The following KIAA1549 variants were observed in gnomAD, a reference collection of about 807,000 sequenced individuals.
KIAA1549 encodes KIAA1549.
In KIAA1549, 70 loss-of-function variants were observed where a neutral mutation model predicts 156.4. That is an observed-to-expected ratio of 0.45 (90% CI 0.37 to 0.55). The LOEUF is 0.55. KIAA1549 is among the 20% of genes least tolerant of loss of function. The pLI, the probability that KIAA1549 is intolerant of heterozygous loss-of-function variation, is 0.00. For missense variants in KIAA1549, 2,428 were observed against 2,540.9 expected, an observed-to-expected ratio of 0.96 and a Z score of 0.96; for synonymous variants, 1,103 against 1,066.4, an observed-to-expected ratio of 1.03 and a Z score of -0.67.
intron 1 of KIAA1549, among the ~76,000 whole-genome samples, chr7:138,980,551 T>C (rs946377576): frequency 6.6e-6 from 1 of 152,228 alleles, no homozygotes; most frequent in African/African-American, 2.4e-5. Context: ...GCCAGGGCGC[T>C]TTCCAAGAGG....
intron 1 of KIAA1549, among the ~76,000 whole-genome samples, chr7:138,979,210 A>G (rs1417039852): frequency 6.6e-6 from 1 of 152,202 alleles, no homozygotes; most frequent in Non-Finnish European, 1.5e-5. Flanking sequence ...TATTAATTTC[A>G]TGTCTCCAGG....
At chr7:138,856,160 T>C (rs1207077613) in intron 16 of KIAA1549, among the ~76,000 whole-genome samples, 1 of 151,388 alleles carries the variant, frequency 6.6e-6, no homozygotes, top group Non-Finnish European at 1.5e-5. Flanking sequence ...GCCTCCCGAG[T>C]AGCTGGGACT....
In KIAA1549 at chr7:138,836,431, C is replaced by T; in HGVS notation, c.*1475G>A. On this transcript the variant is annotated 3_prime_UTR_variant, in exon 20 of 20. Transcript: ENST00000422774. ...AGTACAATCTAGGATGTTGGCACAGCAACAAAACAGCCTAATGACACATTT... is the reference window on the plus strand; with the variant it reads ...AGTACAATCTAGGATGTTGGCACAGTAACAAAACAGCCTAATGACACATTT... 1 of 214,286 alleles carries T rather than the reference C, an allele frequency of 4.7e-6. No homozygotes were observed. Among genetic ancestry groups the T allele is most frequent in the Non-Finnish European group, 9.4e-6 (1 of 106,086 alleles). 13.3% of individuals were successfully genotyped at this position (214,286 alleles called of 1,614,324 possible). A position where few individuals can be genotyped will look rare whatever the true frequency, so the allele number is the denominator to read the frequency against.
chr7:138,861,158 G>A lies in KIAA1549; in HGVS notation c.5228C>T (p.Thr1743Met), dbSNP rs201514543. Residue 1743 changes from threonine to methionine, a missense_variant, in exon 16 of 20, where the codon ACG becomes ATG. Thr to Met is a moderately conservative substitution (Grantham distance 81). Coordinates refer to ENST00000422774, the MANE Select transcript of KIAA1549 (RefSeq NM_001164665.2). ...QWGSFYSPAQ[T>M]ANNPCSRYED... ...ACTTACACTGCAGGGATTGTTGGCC[G>A]TCTGGGCTGGGCTGTAGAAGGACCC... 1.4e-3 allele frequency: 2,338 copies of A among 1,613,786 alleles called. 3 individuals carry two copies. Among genetic ancestry groups the A allele is most frequent in the Non-Finnish European group, 1.8e-3 (2,112 of 1,179,860 alleles).
intron 1 of KIAA1549, among the ~76,000 whole-genome samples, chr7:138,936,731 C>G (rs1220079899): frequency 7.0e-6 from 1 of 143,358 alleles, no homozygotes; most frequent in Admixed American, 6.9e-5. Context: ...TGTGACCCCC[C>G]CCACCCCCAC....
intron 1 of KIAA1549, among the ~76,000 whole-genome samples, chr7:138,979,381 A>G (rs994979746): frequency 1.3e-5 from 2 of 152,354 alleles, no homozygotes; most frequent in East Asian, 1.9e-4. Flanking sequence ...GGCCACATTC[A>G]TATGGGGAAG....
Position 138,861,210 on chromosome 7 carries a change from G to A in KIAA1549, c.5176C>T (p.Gln1726Ter). 1 of 1,613,646 alleles carries A rather than the reference G, an allele frequency of 6.2e-7. No homozygotes were observed. The highest frequency in any genetic ancestry group is 1.1e-5 in the South Asian group (1 of 91,032). Residue 1726 changes from glutamine to a stop codon, truncating the protein, a stop_gained, in exon 16 of 20, where the codon CAG (glutamine) becomes TAG (stop). Coordinates refer to ENST00000422774, the MANE Select transcript of KIAA1549 (RefSeq NM_001164665.2). LOFTEE classifies it high-confidence loss of function. ...CACTGGGTGGCTCGCCTCTCTTCCT[G>A]GGAAGGGGTGCTGTTTGCGGGCAGG... Reference protein sequence around the residue: ...PGLPANSTPSQEERRATQWGS... With the variant: ...PGLPANSTPS
At chr7:138,908,809 A>G (rs1812082254) in intron 5 of KIAA1549, among the ~76,000 whole-genome samples, 182 bp downstream of exon 5, 1 of 152,194 alleles carries the variant, frequency 6.6e-6, no homozygotes, top group Non-Finnish European at 1.5e-5. Flanking sequence ...TGCAACCCTC[A>G]AAGATGCTCA....
At chr7:138,934,773 T>C (rs1214525191) in intron 1 of KIAA1549, among the ~76,000 whole-genome samples, 3 of 152,180 alleles carry the variant, frequency 2.0e-5, no homozygotes, top group Admixed American at 6.5e-5. Context: ...CTATGAGGTT[T>C]TCTCTAACCC....
intron 7 of KIAA1549, among the ~76,000 whole-genome samples, chr7:138,904,256 G>A (rs1811944968): frequency 6.6e-6 from 1 of 152,238 alleles, no homozygotes; most frequent in African/African-American, 2.4e-5. Flanking sequence ...TGTGGTCTGG[G>A]AGGAAGGAGC....
chr7:138,943,654 C>T (rs1274370921), intron 1 of KIAA1549, among the ~76,000 whole-genome samples: 1 of 152,098 alleles, frequency 6.6e-6, no homozygotes, highest in Non-Finnish European at 1.5e-5. Flanking sequence ...TCGAGACCAT[C>T]CTGGCTAACA....
intron 10 of KIAA1549, among the ~76,000 whole-genome samples, chr7:138,890,153 G>A (rs553983090): frequency 6.6e-6 from 1 of 152,136 alleles, no homozygotes; most frequent in African/African-American, 2.4e-5. Context: ...ACCGGAATAC[G>A]TCACCAACAA....
At chr7:138,973,469 A>G (rs1814280805) in intron 1 of KIAA1549, among the ~76,000 whole-genome samples, 1 of 152,036 alleles carries the variant, frequency 6.6e-6, no homozygotes, top group South Asian at 2.1e-4. Context: ...CCTGGCTCTC[A>G]TATCACTATT....
intron 1 of KIAA1549, among the ~76,000 whole-genome samples, chr7:138,979,300 C>T (rs989667193): frequency 1.3e-5 from 2 of 152,298 alleles, no homozygotes; most frequent in African/African-American, 4.8e-5. Flanking sequence ...GCAGTGCAAA[C>T]AGCTTCACTA....
chr7:138,923,761 T>C (rs1190200197), intron 1 of KIAA1549, among the ~76,000 whole-genome samples: 8 of 152,194 alleles, frequency 5.3e-5, no homozygotes, highest in Admixed American at 5.2e-4. Flanking sequence ...CCAGAGGTAT[T>C]GTTGACTCAC....
chr7:138,851,294 A>G (rs1019571356), intron 17 of KIAA1549, among the ~76,000 whole-genome samples: 1 of 151,844 alleles, frequency 6.6e-6, no homozygotes, highest in Admixed American at 6.6e-5. Flanking sequence ...TCTTTAAGTT[A>G]TTTTGCTCTT....
At chr7:138,877,057 C>T (rs184782539) in intron 12 of KIAA1549, among the ~76,000 whole-genome samples, 3 of 152,280 alleles carry the variant, frequency 2.0e-5, no homozygotes, top group East Asian at 3.9e-4. Context: ...CTGTACCACC[C>T]GCAGGAGTGA....
At chr7:138,846,055 C>T (rs1483420134) in intron 17 of KIAA1549, among the ~76,000 whole-genome samples, 1 of 152,198 alleles carries the variant, frequency 6.6e-6, no homozygotes, top group Non-Finnish European at 1.5e-5. Flanking sequence ...TCTTTTGTCA[C>T]ACAGACTACT....
chr7:138,881,477 A>C lies in KIAA1549; in HGVS notation c.4140T>G (p.Pro1380=), dbSNP rs559504545. 2 of 1,614,016 alleles carry C rather than the reference A, an allele frequency of 1.2e-6. No individual in the cohort carries two copies. The highest frequency in any genetic ancestry group is 1.7e-6 in the Non-Finnish European group (2 of 1,179,900). ...IIHEPAPLPG[P]LKDHTTPSEN... ...CCGAGGGCGTGGTGTGGTCCTTCAG[A>C]GGTCCTGGCAGTGGCGCTGGCTCAT... Residue 1380 remains proline (P), a synonymous_variant, in exon 11 of 20, where the codon CCT becomes CCG. Coordinates refer to ENST00000422774, the MANE Select transcript of KIAA1549 (RefSeq NM_001164665.2).
Sources: allele counts gnomAD v4.1 joint callset (sites outside exome capture counted in the v4.1 genomes callset), GRCh38; gene constraint gnomAD v4.1.1; transcripts MANE v1.5; gene names NCBI Gene and HGNC (gene_info 2026-07-23, HGNC 2026-07-21).